The following PDZD2 variants were observed in gnomAD, a reference collection of about 807,000 sequenced individuals.
The protein encoded by PDZD2 is PDZ domain containing 2.
A neutral mutation model predicts 220.7 loss-of-function variants in PDZD2; 90 were observed. The observed-to-expected ratio is 0.41, with a 90% CI of 0.34 to 0.49. PDZD2 has a LOEUF of 0.49. Among genes scored for constraint, PDZD2 ranks in the 20% least tolerant of loss-of-function variants. The pLI, the probability that PDZD2 is intolerant of heterozygous loss-of-function variation, is 0.28. For missense variants in PDZD2, 3,174 were observed against 3,608.5 expected (o/e 0.88, Z 3.08); for synonymous variants, 1,375 against 1,450.5 (o/e 0.95, Z 1.18).
At chr5:31,882,347 T>A (rs1302448921) in intron 2 of PDZD2, among the ~76,000 whole-genome samples, 1 of 152,164 alleles carries the variant, frequency 6.6e-6, no homozygotes, top group South Asian at 2.1e-4. Context: ...AAAACACAAC[T>A]GATCGAGGCT....
chr5:31,798,962 T>C lies in PDZD2; in HGVS notation c.-287T>C. The C allele has an allele frequency of 2.2e-6, 1 of 452,586 alleles. No homozygotes were observed. Among genetic ancestry groups the C allele is most frequent in the East Asian group, 3.4e-5 (1 of 29,684 alleles). The allele number at this position is 452,586 out of a possible 1,614,324, so 28.0% of individuals were successfully genotyped here. A position where few individuals can be genotyped will look rare whatever the true frequency, so the allele number is the denominator to read the frequency against. On this transcript the variant is annotated 5_prime_UTR_variant, in exon 2 of 25. Transcript: ENST00000438447. ...TCCATTCCTGTGTCATTTGCATGGG[T>C]CCTGCTGTGAAATGAACCTGGCAGG...
chr5:31,790,691 ATTTT>A (rs869296191), intron 1 of PDZD2, among the ~76,000 whole-genome samples: 2 of 75,498 alleles, frequency 2.6e-5, no homozygotes, highest in African/African-American at 4.4e-5. Context: ...TATCTCTCTA[ATTTT>A]TTTTTTTTTT....
At chr5:31,817,845 G>T (rs755458696) in intron 2 of PDZD2, among the ~76,000 whole-genome samples, 8 of 152,052 alleles carry the variant, frequency 5.3e-5, no homozygotes, top group Non-Finnish European at 1.2e-4. Context: ...TGTATTTTTG[G>T]TAGAGACAGG....
intron 21 of PDZD2, among the ~76,000 whole-genome samples, chr5:32,095,260 T>G (rs879772123): frequency 1.3e-5 from 2 of 152,108 alleles, no homozygotes; most frequent in African/African-American, 2.4e-5. Flanking sequence ...AGGGTTGTGG[T>G]TTGGTTTGAA....
At chr5:31,970,590 A>G (rs1749211057) in intron 2 of PDZD2, among the ~76,000 whole-genome samples, 1 of 152,044 alleles carries the variant, frequency 6.6e-6, no homozygotes. Context: ...TGGGAGGTGG[A>G]AGATGCAGTG....
chr5:31,977,179 A>G (rs1367503779), intron 2 of PDZD2, among the ~76,000 whole-genome samples: 4 of 151,992 alleles, frequency 2.6e-5, no homozygotes, highest in African/African-American at 9.7e-5. Flanking sequence ...TGAATTGCAC[A>G]CATAGACATC....
At chr5:31,973,762 C>G (rs1156734805) in intron 2 of PDZD2, among the ~76,000 whole-genome samples, 1 of 152,172 alleles carries the variant, frequency 6.6e-6, no homozygotes, top group Non-Finnish European at 1.5e-5. Flanking sequence ...TGACTCATGC[C>G]TGTAATCCCA....
chr5:32,076,037 G>A (rs1314235410), intron 18 of PDZD2, among the ~76,000 whole-genome samples: 3 of 152,172 alleles, frequency 2.0e-5, no homozygotes, highest in Admixed American at 6.5e-5. Context: ...TGTAATCCCA[G>A]CACTTTGGGA....
intron 2 of PDZD2, among the ~76,000 whole-genome samples, chr5:31,953,115 C>G (rs1415346354): frequency 6.7e-6 from 1 of 148,988 alleles, no homozygotes; most frequent in South Asian, 2.1e-4. Flanking sequence ...TCTCACCAGA[C>G]AGCAAACTGT....
chr5:32,074,013 T>C lies in PDZD2; in HGVS notation c.2907T>C (p.Asp969=). The change falls in exon 18 of 25, where the codon GAT becomes GAC. Residue 969 remains aspartate (D), a synonymous_variant. Coordinates refer to ENST00000438447, the MANE Select transcript of PDZD2 (RefSeq NM_178140.4). ...AGGTAGGCTGCTACGATGCCAACGATGCCAGTGATGAGGAAGAGTTTGACA... is the reference window on the plus strand; with the variant it reads ...AGGTAGGCTGCTACGATGCCAACGACGCCAGTGATGAGGAAGAGTTTGACA... ...QRKVGCYDAN[D]ASDEEEFDRE... 1 of 1,614,138 alleles carries C rather than the reference T, an allele frequency of 6.2e-7. No homozygotes were observed. The highest frequency in any genetic ancestry group is 2.2e-5 in the East Asian group (1 of 44,860).
intron 6 of PDZD2, among the ~76,000 whole-genome samples, chr5:32,017,354 G>A (rs115759742): frequency 0.012 from 1,771 of 151,870 alleles, 50 homozygotes; most frequent in African/African-American, 0.041. Flanking sequence ...CACAAGAATC[G>A]CTTGAACCCC....
At chr5:31,769,292 G>C (rs960665373) in intron 1 of PDZD2, among the ~76,000 whole-genome samples, 5 of 152,336 alleles carry the variant, frequency 3.3e-5, no homozygotes, top group Admixed American at 1.3e-4. Flanking sequence ...TTTCTGTTTT[G>C]AGCAATTTGT....
intron 2 of PDZD2, among the ~76,000 whole-genome samples, chr5:31,899,092 G>C (rs1209441115): frequency 6.6e-6 from 1 of 151,702 alleles, no homozygotes; most frequent in Non-Finnish European, 1.5e-5. Context: ...CTCCCAAAGT[G>C]CTGGGATTAC....
chr5:32,010,110 A>G (rs936604401), intron 5 of PDZD2, among the ~76,000 whole-genome samples: 2 of 152,078 alleles, frequency 1.3e-5, no homozygotes, highest in Non-Finnish European at 2.9e-5. Context: ...GAAAAAAAAG[A>G]AACAGCTAAG....
In PDZD2 at chr5:32,010,374, G is replaced by A. The variant is rs764584647; in HGVS notation, c.1299G>A (p.Leu433=). The change falls in exon 6 of 25, where the codon TTG becomes TTA. Residue 433 remains leucine (L), a synonymous_variant. Coordinates refer to ENST00000438447, the MANE Select transcript of PDZD2 (RefSeq NM_178140.4). The part of the protein sequence containing the change: ...EDLLRLTSKS[L]PDLTSSVEDV... ...TCCTCAGGTTAACATCTAAGAGCTT[G>A]CCAGATCTGACCAGCTCGGTAGAAG... 2.5e-6 allele frequency: 4 copies of A among 1,612,422 alleles called. No individual in the cohort carries two copies. The highest frequency in any genetic ancestry group is 3.4e-6 in the Non-Finnish European group (4 of 1,178,712).
chr5:31,875,083 G>C (rs7734811), intron 2 of PDZD2, among the ~76,000 whole-genome samples: 6,377 of 152,134 alleles, frequency 0.042, 456 homozygotes, highest in African/African-American at 0.14. Context: ...TTTTTATGCT[G>C]CTTATTTTTT....
At chr5:31,801,687 C>T (rs928466082) in intron 2 of PDZD2, among the ~76,000 whole-genome samples, 1 of 152,130 alleles carries the variant, frequency 6.6e-6, no homozygotes, top group Non-Finnish European at 1.5e-5. Context: ...AAAATTGTAC[C>T]TCTTAGCCTC....
intron 2 of PDZD2, among the ~76,000 whole-genome samples, chr5:31,869,619 T>C (rs1336455541): frequency 2.0e-5 from 3 of 152,188 alleles, no homozygotes; most frequent in Non-Finnish European, 4.4e-5. Context: ...TGAGCACCTT[T>C]TATAGCTTGG....
At chr5:32,059,622 G>A (rs1195970337) in intron 13 of PDZD2, among the ~76,000 whole-genome samples, 2 of 152,142 alleles carry the variant, frequency 1.3e-5, no homozygotes, top group Non-Finnish European at 2.9e-5. Context: ...TCAGAAACTT[G>A]ACAAGATACA....
Sources: gnomAD v4.1 joint callset for allele counts (sites outside exome capture counted in the v4.1 genomes callset) on GRCh38, gnomAD v4.1.1 for gene constraint, MANE v1.5 for transcripts, NCBI Gene and HGNC (gene_info 2026-07-23, HGNC 2026-07-21) for gene names.